Variants in PPP1R17 observed in about 807,000 individuals in gnomAD.
PPP1R17 encodes G-substrate.
A neutral mutation model predicts 15.9 loss-of-function variants in PPP1R17; 12 were observed. The ratio of observed to expected loss-of-function variants is 0.75; its 90% confidence interval spans 0.48 to 1.22. PPP1R17 has a LOEUF of 1.22. Among genes scored for constraint, PPP1R17 ranks in the 50% most tolerant of loss-of-function variants. The probability of loss-of-function intolerance (pLI) is 0.00; values close to 1 mark genes in which losing one functional copy is unlikely to be tolerated. For missense variants in PPP1R17, 211 were observed against 187.3 expected (o/e 1.13, Z -0.74); for synonymous variants, 63 against 64.5 (o/e 0.98, Z 0.11).
intron 4 of PPP1R17, among the ~76,000 whole-genome samples, chr7:31,702,598 T>C (rs960867849): frequency 6.6e-6 from 1 of 152,218 alleles, no homozygotes; most frequent in Non-Finnish European, 1.5e-5. Flanking sequence ...AGCATGCAAA[T>C]ACCCAAAACT....
intron 4 of PPP1R17, among the ~76,000 whole-genome samples, chr7:31,704,399 G>C (rs1792981767): frequency 6.6e-6 from 1 of 152,136 alleles, no homozygotes; most frequent in South Asian, 2.1e-4. Flanking sequence ...GGAGACTTTG[G>C]ACTGGCAGTC....
intron 4 of PPP1R17, among the ~76,000 whole-genome samples, chr7:31,705,269 A>G (rs1793019107): frequency 6.6e-6 from 1 of 152,204 alleles, no homozygotes; most frequent in African/African-American, 2.4e-5. Context: ...GTAACCAGAA[A>G]GTTGATCTGG....
chr7:31,687,786 T>C (rs1227715464), intron 1 of PPP1R17, among the ~76,000 whole-genome samples: 3 of 152,192 alleles, frequency 2.0e-5, no homozygotes, highest in Non-Finnish European at 4.4e-5. Flanking sequence ...TGAATATGTA[T>C]TTTACATAGC....
At chr7:31,695,262 C>T (rs1283940682) in intron 2 of PPP1R17, among the ~76,000 whole-genome samples, 2 of 152,098 alleles carry the variant, frequency 1.3e-5, no homozygotes, top group African/African-American at 4.8e-5. Flanking sequence ...TGGAGTTTTA[C>T]AGCATTCTAG....
chr7:31,703,833 A>C (rs1792956106), intron 4 of PPP1R17, among the ~76,000 whole-genome samples: 1 of 152,184 alleles, frequency 6.6e-6, no homozygotes, highest in Non-Finnish European at 1.5e-5. Context: ...CCCCTTAGTT[A>C]ATGAGCTTAC....
rs1393166924 is a variant in PPP1R17, at chr7:31,707,278, A to G, written c.463A>G (p.Ile155Val). 1.9e-6 allele frequency: 3 copies of G among 1,613,390 alleles called. No individual in the cohort carries two copies. The highest frequency in any genetic ancestry group is 2.5e-6 in the Non-Finnish European group (3 of 1,179,420). The change falls in exon 5 of 5, where the codon ATT becomes GTT. Residue 155 changes from isoleucine to valine, a missense_variant. By Grantham distance (29) the Ile-to-Val change is conservative. Coordinates refer to ENST00000342032, the MANE Select transcript of PPP1R17 (RefSeq NM_006658.5). ...DDEKDGDKIAI is the reference protein window; with the variant it reads ...DDEKDGDKIAV Reference sequence around the variant, plus strand: ...CGAAAAGGATGGTGACAAGATAGCTATTTAAAGATAGTTCCCCTGAGACCA... The same window carrying G: ...CGAAAAGGATGGTGACAAGATAGCTGTTTAAAGATAGTTCCCCTGAGACCA...
In PPP1R17 at chr7:31,688,055, T is replaced by C. The variant is rs180777025; in HGVS notation, c.-37+749T>C. On this transcript the variant is annotated intron_variant, in intron 1 of 4. Transcript: ENST00000342032. ...CAGAGATGGGATAAAGAGATAATTC[T>C]GATAGATCAATTTAGATAGACATAT... Among the ~76,000 whole-genome samples the C allele has an allele frequency of 2.8e-3, 419 of 152,322 alleles. 1 individual carries two copies. The highest frequency in any genetic ancestry group is 9.3e-3 in the African/African-American group (385 of 41,582).
chr7:31,699,850 T>C (rs758196485), intron 4 of PPP1R17, among the ~76,000 whole-genome samples: 6 of 152,188 alleles, frequency 3.9e-5, no homozygotes, highest in Non-Finnish European at 7.3e-5. Flanking sequence ...TTGATGTTAC[T>C]ATTGTAATTG....
chr7:31,689,206 A>G (rs749469442), intron 1 of PPP1R17, among the ~76,000 whole-genome samples: 1 of 152,236 alleles, frequency 6.6e-6, no homozygotes, highest in Admixed American at 6.5e-5. Flanking sequence ...GTTAGAATTC[A>G]GAGCCCACAC....
chr7:31,703,861 C>A (rs764522348), intron 4 of PPP1R17, among the ~76,000 whole-genome samples: 1 of 152,186 alleles, frequency 6.6e-6, no homozygotes, highest in Non-Finnish European at 1.5e-5. Context: ...GTTCCAACTG[C>A]GAGCACAGCC....
At chr7:31,696,879 C>A in intron 3 of PPP1R17, 86 bp from the exon 4 acceptor site, 1 of 1,428,492 alleles carries the variant, frequency 7.0e-7, no homozygotes, top group Non-Finnish European at 9.5e-7. Flanking sequence ...CTGTCTTCAC[C>A]AGATGTCTAT....
At chr7:31,698,998 G>C (rs568865445) in intron 4 of PPP1R17, among the ~76,000 whole-genome samples, 4 of 152,168 alleles carry the variant, frequency 2.6e-5, no homozygotes, top group Admixed American at 6.5e-5. Context: ...CAGCTCAAGT[G>C]CTGGGCATAC....
intron 3 of PPP1R17, chr7:31,695,955 G>A (rs548932928): frequency 1.2e-5 from 2 of 171,974 alleles, no homozygotes; most frequent in African/African-American, 4.7e-5. Context: ...GTCACCACAA[G>A]CTTCCACAGT....
At chr7:31,697,647 G>T (rs1172339312) in intron 4 of PPP1R17, among the ~76,000 whole-genome samples, 4 of 152,206 alleles carry the variant, frequency 2.6e-5, no homozygotes, top group African/African-American at 4.8e-5. Context: ...TCTCTGAGAA[G>T]TACAAGTTGG....
Position 31,701,029 on chromosome 7 carries a change from G to A in PPP1R17, c.388+3912G>A, listed in dbSNP as rs542514055. On this transcript the variant is annotated intron_variant, in intron 4 of 4. Transcript: ENST00000342032. ...GCCTGCTAATGTAGCATCTATTCTG[G>A]AGCCCCTGGATTGAGGAGTTACTTC... Among the ~76,000 whole-genome samples the A allele has an allele frequency of 6.6e-5, 10 of 152,196 alleles. No homozygotes were observed. In the East Asian group the frequency reaches 1.4e-3, roughly 21 times the overall value.
At chr7:31,706,787 C>T (rs1206243527) in intron 4 of PPP1R17, among the ~76,000 whole-genome samples, 1 of 152,136 alleles carries the variant, frequency 6.6e-6, no homozygotes, top group Non-Finnish European at 1.5e-5. Flanking sequence ...CACAATAACC[C>T]TTTATAATAA....
chr7:31,692,743 CAG>C (rs1442399392), intron 2 of PPP1R17, among the ~76,000 whole-genome samples: 1 of 152,064 alleles, frequency 6.6e-6, no homozygotes, highest in Non-Finnish European at 1.5e-5. Context: ...GTTCATTAGA[CAG>C]AGAGAGAGAA....
chr7:31,698,277 C>G (rs1389743675), intron 4 of PPP1R17, among the ~76,000 whole-genome samples: 1 of 152,192 alleles, frequency 6.6e-6, no homozygotes, highest in Non-Finnish European at 1.5e-5. Context: ...AGATCCCCAG[C>G]CACATTAGAG....
At chr7:31,692,072 C>T (rs1049410599) in intron 1 of PPP1R17, among the ~76,000 whole-genome samples, 1 of 152,188 alleles carries the variant, frequency 6.6e-6, no homozygotes, top group African/African-American at 2.4e-5. Flanking sequence ...GCATGATTTT[C>T]TGTGACTCTC....
Sources: gnomAD v4.1 joint callset for allele counts (sites outside exome capture counted in the v4.1 genomes callset) on GRCh38, gnomAD v4.1.1 for gene constraint, MANE v1.5 for transcripts, NCBI Gene and HGNC (gene_info 2026-07-23, HGNC 2026-07-21) for gene names.